Variants in UBXN2B observed in about 807,000 individuals in gnomAD.
UBXN2B encodes the protein UBX domain protein 2B, also known as UBX domain-containing protein 2B.
In UBXN2B, 19 loss-of-function variants were observed where a neutral mutation model predicts 37.5. The observed-to-expected ratio is 0.51, with a 90% CI of 0.35 to 0.74. The LOEUF is 0.74. UBXN2B is among the 30% of genes least tolerant of loss of function. The pLI is 0.01. For synonymous variants in UBXN2B, 145 were observed against 143.8 expected (o/e 1.01, Z -0.06); for missense variants, 370 against 393.2 (o/e 0.94, Z 0.50).
At chr8:58,419,236 T>G (rs1479596874) in intron 2 of UBXN2B, among the ~76,000 whole-genome samples, 1 of 152,260 alleles carries the variant, frequency 6.6e-6, no homozygotes, top group Non-Finnish European at 1.5e-5. Flanking sequence ...TGATATCTTC[T>G]AATGCTAAGT....
chr8:58,426,957 C>A (rs1808115865), intron 2 of UBXN2B, among the ~76,000 whole-genome samples: 1 of 152,182 alleles, frequency 6.6e-6, no homozygotes, highest in Non-Finnish European at 1.5e-5. Context: ...CTCCTTCAGT[C>A]TTAGTTTTCT....
At chr8:58,422,326 C>T (rs1807950387) in intron 2 of UBXN2B, among the ~76,000 whole-genome samples, 1 of 152,182 alleles carries the variant, frequency 6.6e-6, no homozygotes, top group South Asian at 2.1e-4. Flanking sequence ...GACTGAGAGA[C>T]CTCAGAAAGG....
intron 4 of UBXN2B, 43 bp downstream of exon 4, chr8:58,433,286 C>T (rs1397955338): frequency 1.3e-6 from 2 of 1,486,392 alleles, no homozygotes; most frequent in South Asian, 2.5e-5. Context: ...ATATTTGCTT[C>T]TAGTTACTAA....
At chr8:58,441,365 A>ATATG (rs1289875124) in intron 6 of UBXN2B, among the ~76,000 whole-genome samples, 24 of 145,578 alleles carry the variant, frequency 1.6e-4, no homozygotes, top group Non-Finnish European at 3.0e-4. Flanking sequence ...ATATATATAT[A>ATATG]TATGTATGTG....
At chr8:58,437,907 A>T (rs1305034138) in intron 5 of UBXN2B, among the ~76,000 whole-genome samples, 1 of 151,758 alleles carries the variant, frequency 6.6e-6, no homozygotes, top group Admixed American at 6.6e-5. Flanking sequence ...AATCAAGATG[A>T]TGGGAAGAAA....
intron 2 of UBXN2B, among the ~76,000 whole-genome samples, chr8:58,424,146 G>A (rs1808009879): frequency 6.7e-6 from 1 of 149,942 alleles, no homozygotes; most frequent in Non-Finnish European, 1.5e-5. Flanking sequence ...TTTCTAAGAT[G>A]TTGTTACTTA....
Position 58,445,994 on chromosome 8 carries a change from A to G in UBXN2B, c.759A>G (p.Ser253=). The G allele has an allele frequency of 6.2e-7, 1 of 1,613,490 alleles. No individual in the cohort carries two copies. Among genetic ancestry groups the G allele is most frequent in the South Asian group, 1.1e-5 (1 of 91,034 alleles). The change falls in exon 7 of 8, where the codon TCA becomes TCG. Residue 253 remains serine (S), a synonymous_variant. Transcript: ENST00000399598. ...ILNAVVLIDD[S]VPTTKIQIRL... is the part of the protein sequence containing the mutation. The stretch of plus-strand genomic sequence containing the variant: ...ATGCAGTTGTTCTTATTGATGATTC[A>G]GTGCCAACAACAAAAATTCAAATCA...
At chr8:58,435,345 G>A (rs1433634381) in intron 5 of UBXN2B, among the ~76,000 whole-genome samples, 1 of 152,162 alleles carries the variant, frequency 6.6e-6, no homozygotes, top group African/African-American at 2.4e-5. Context: ...AGACTAATTA[G>A]CATGAATTTT....
intron 2 of UBXN2B, among the ~76,000 whole-genome samples, chr8:58,423,076 C>T (rs925399342): frequency 1.1e-4 from 14 of 125,226 alleles, no homozygotes; most frequent in African/African-American, 3.3e-4. Context: ...TCTGGTGAGA[C>T]GAAATCATCA....
chr8:58,432,603 C>T (rs1429470785), intron 3 of UBXN2B, among the ~76,000 whole-genome samples: 2 of 151,970 alleles, frequency 1.3e-5, no homozygotes, highest in Admixed American at 6.6e-5. Flanking sequence ...AGGGTGGTCT[C>T]GATCTCCTGA....
intron 5 of UBXN2B, among the ~76,000 whole-genome samples, chr8:58,436,460 G>C (rs1211489846): frequency 2.0e-5 from 3 of 152,240 alleles, no homozygotes; most frequent in Non-Finnish European, 2.9e-5. Flanking sequence ...CAAATCTCCT[G>C]TTGCAGTGCA....
chr8:58,437,714 AT>A (rs1193461628), intron 5 of UBXN2B, among the ~76,000 whole-genome samples: 4 of 152,290 alleles, frequency 2.6e-5, no homozygotes, highest in Middle Eastern at 3.4e-3. Context: ...CAAATAAATG[AT>A]TTAAAGTTGG....
intron 6 of UBXN2B, among the ~76,000 whole-genome samples, chr8:58,443,097 G>T (rs889383278): frequency 2.0e-5 from 3 of 152,164 alleles, no homozygotes; most frequent in Non-Finnish European, 2.9e-5. Context: ...GCTGTGCCTC[G>T]CCAGTCTCAC....
At chr8:58,436,439 A>G (rs1225032739) in intron 5 of UBXN2B, among the ~76,000 whole-genome samples, 2 of 152,230 alleles carry the variant, frequency 1.3e-5, no homozygotes, top group African/African-American at 4.8e-5. Flanking sequence ...ATGAGTCTTT[A>G]TCACGTAAGA....
chr8:58,413,240 T>G (rs570362186), intron 1 of UBXN2B: 1 of 152,328 alleles, frequency 6.6e-6, no homozygotes, highest in South Asian at 2.1e-4. Flanking sequence ...CTGATTTCTT[T>G]ATGAATGTGA....
chr8:58,434,372 T>C, intron 4 of UBXN2B, 23 bp from the exon 5 acceptor site: 1 of 676,186 alleles, frequency 1.5e-6, no homozygotes, highest in Non-Finnish European at 2.0e-6. Flanking sequence ...TATATATATT[T>C]TTTTTTTTTC....
chr8:58,424,929 C>G, intron 2 of UBXN2B: 1 of 846,982 alleles, frequency 1.2e-6, no homozygotes, highest in South Asian at 1.3e-5. Context: ...CAACACCTTT[C>G]TCTCTGTTGA....
At chr8:58,425,279 T>G (rs1416790205) in intron 2 of UBXN2B, 3 of 1,142,104 alleles carry the variant, frequency 2.6e-6, no homozygotes, top group Non-Finnish European at 4.0e-6. Context: ...ACACATTTAC[T>G]CTATCCTCTC....
At chr8:58,431,564 A>C (rs1478813267) in intron 3 of UBXN2B, among the ~76,000 whole-genome samples, 1 of 152,104 alleles carries the variant, frequency 6.6e-6, no homozygotes, top group Non-Finnish European at 1.5e-5. Context: ...TTATGGTTTT[A>C]TTTCTCTGAG....
Sources: allele counts gnomAD v4.1 joint callset (sites outside exome capture counted in the v4.1 genomes callset), GRCh38; gene constraint gnomAD v4.1.1; transcripts MANE v1.5; gene names NCBI Gene and HGNC (gene_info 2026-07-23, HGNC 2026-07-21).